MCM9: variants seen among roughly 807,000 people sequenced by gnomAD.
MCM9 encodes the protein DNA helicase MCM9.
In MCM9, 55 loss-of-function variants were observed where a neutral mutation model predicts 72.8. The observed-to-expected ratio is 0.76, with a 90% confidence interval of 0.61 to 0.95. MCM9 has a LOEUF of 0.95. Among genes scored for constraint, MCM9 ranks in the 40% least tolerant of loss-of-function variants. The pLI is 0.00. For synonymous variants in MCM9, 480 were observed against 503.4 expected (o/e 0.95, Z 0.62); for missense variants, 1,279 against 1,377.0 (o/e 0.93, Z 1.13).
intron 6 of MCM9, among the ~76,000 whole-genome samples, chr6:118,913,726 A>C (rs569822929): frequency 3.3e-5 from 5 of 152,180 alleles, no homozygotes; most frequent in Admixed American, 1.3e-4. Context: ...CAGCCTCCTG[A>C]GTAGTTGGGA....
rs1773323279 is a variant in MCM9 at position 118,815,061 on chromosome 6, G to C, written c.3195C>G (p.Pro1065=). 4.5e-6 allele frequency: 7 copies of C among 1,550,464 alleles called. No homozygotes were observed. The highest frequency in any genetic ancestry group is 2.4e-5 in the East Asian group (1 of 40,896). The change falls in exon 14 of 14, where the codon CCC becomes CCG. Residue 1065 remains proline (P), a synonymous_variant. Coordinates refer to ENST00000619706, the MANE Select transcript of MCM9 (RefSeq NM_017696.3). ...LARLANFCFT[P]PSESKSKSPP... The stretch of plus-strand genomic sequence containing the variant: ...GGGATTTTGATTTGGATTCCGATGG[G>C]GGAGTAAAGCAGAAGTTTGCCAATC...
At chr6:118,924,866 G>C (rs896157442) in intron 3 of MCM9, among the ~76,000 whole-genome samples, 6 of 152,048 alleles carry the variant, frequency 3.9e-5, no homozygotes, top group Non-Finnish European at 5.9e-5. Context: ...CAACATAGTG[G>C]GACCCCATCC....
At chr6:118,885,724 A>C (rs1210054121) in intron 8 of MCM9, among the ~76,000 whole-genome samples, 2 of 152,232 alleles carry the variant, frequency 1.3e-5, no homozygotes, top group East Asian at 3.8e-4. Context: ...TTCATTAGTG[A>C]ATTCCACCGA....
At chr6:118,829,697 T>C (rs1774398776) in intron 9 of MCM9, among the ~76,000 whole-genome samples, 1 of 152,124 alleles carries the variant, frequency 6.6e-6, no homozygotes, top group African/African-American at 2.4e-5. Context: ...GAAGCAGCTT[T>C]TGAACTGAAC....
chr6:118,920,895 T>TA (rs1781373782), intron 5 of MCM9: 1 of 152,208 alleles, frequency 6.6e-6, no homozygotes, highest in Non-Finnish European at 1.5e-5. Flanking sequence ...CCAAAATGAC[T>TA]AAAACATCAC....
rs765808019 is a variant in MCM9, at chr6:118,924,062, A to G, written c.370T>C (p.Leu124=). 2.5e-6 allele frequency: 4 copies of G among 1,614,216 alleles called. No homozygotes were observed. Among genetic ancestry groups the G allele is most frequent in the Non-Finnish European group, 3.4e-6 (4 of 1,180,038 alleles). The change falls in exon 4 of 14, where the codon TTA becomes CTA. Residue 124 remains leucine (L), a synonymous_variant. Coordinates refer to ENST00000619706, the MANE Select transcript of MCM9 (RefSeq NM_017696.3). ...IPKTKDVGHF[L]SVTGTVIRTS... ...CGAATCACTGTCCCAGTGACAGATA[A>G]AAAGTGTCCCACATCCTTGGTTTTA...
At chr6:118,886,389 C>T (rs778867650) in intron 8 of MCM9, among the ~76,000 whole-genome samples, 1 of 151,836 alleles carries the variant, frequency 6.6e-6, no homozygotes, top group Non-Finnish European at 1.5e-5. Flanking sequence ...AAACAATAGG[C>T]ATCCAGAAGG....
At position 118,932,611 on chromosome 6, in the gene MCM9, A is replaced by C; in HGVS notation, c.-20T>G. 1.0e-6 allele frequency: 1 copy of C among 984,776 alleles called. No homozygotes were observed. The allele number at this position is 984,776 out of a possible 1,614,324, so 61.0% of individuals were successfully genotyped here. ...CTATGTAACTGAAACACATACCATT[A>C]ATCAGACTGACAGCCAGTTCTGACA... On this transcript the variant is annotated 5_prime_UTR_variant, in exon 2 of 14. The change creates a new upstream start codon in the 5' untranslated region. Coordinates refer to ENST00000619706, the MANE Select transcript of MCM9 (RefSeq NM_017696.3).
chr6:118,911,300 T>C (rs1780527080), intron 8 of MCM9: 2 of 1,015,376 alleles, frequency 2.0e-6, no homozygotes, highest in Non-Finnish European at 2.4e-6. Flanking sequence ...ACCATCTATC[T>C]ACTTGGTAAA....
chr6:118,901,550 C>CT (rs1344197208), intron 8 of MCM9, among the ~76,000 whole-genome samples: 1 of 152,168 alleles, frequency 6.6e-6, no homozygotes, highest in Non-Finnish European at 1.5e-5. Flanking sequence ...TTAGATACCA[C>CT]TGAGAGTATT....
At chr6:118,819,294 A>G (rs1773629932) in intron 13 of MCM9, among the ~76,000 whole-genome samples, 1 of 152,182 alleles carries the variant, frequency 6.6e-6, no homozygotes, top group Non-Finnish European at 1.5e-5. Context: ...GATACTTTCC[A>G]TCAACACCTA....
rs147707263 is a variant in MCM9 at position 118,852,062 on chromosome 6, A to C, written c.1325+4309T>G. Among the ~76,000 whole-genome samples the C allele has an allele frequency of 1.8e-3, 278 of 152,342 alleles. 1 individual carries two copies. Among genetic ancestry groups the C allele is most frequent in the South Asian group, 0.01 (50 of 4,828 alleles). On this transcript the variant is annotated intron_variant, in intron 9 of 13. Transcript: ENST00000619706. ...GGAGAGTACAGCCTACTATACACCTAGGCTATATGGTATAGCCTATTGCTC... is the reference window on the plus strand; with the variant it reads ...GGAGAGTACAGCCTACTATACACCTCGGCTATATGGTATAGCCTATTGCTC...
intron 7 of MCM9, chr6:118,912,715 C>T (rs561194445): frequency 2.0e-5 from 3 of 152,840 alleles, no homozygotes; most frequent in East Asian, 1.9e-4. Context: ...CGTAATAACC[C>T]GTATGCCAGA....
chr6:118,850,149 C>G (rs1453174917), intron 9 of MCM9, among the ~76,000 whole-genome samples: 1 of 151,866 alleles, frequency 6.6e-6, no homozygotes, highest in Non-Finnish European at 1.5e-5. Context: ...AATAATATAA[C>G]TACACAAAGA....
At chr6:118,833,349 A>C (rs1473858192) in intron 9 of MCM9, among the ~76,000 whole-genome samples, 1 of 152,226 alleles carries the variant, frequency 6.6e-6, no homozygotes, top group Non-Finnish European at 1.5e-5. Context: ...GACAGTAAGA[A>C]GCAAAATTGA....
chr6:118,904,964 A>C (rs1780073832), intron 8 of MCM9, among the ~76,000 whole-genome samples: 1 of 152,180 alleles, frequency 6.6e-6, no homozygotes, highest in Non-Finnish European at 1.5e-5. Context: ...CAGCCTCCCA[A>C]GTAGCTGGGA....
intron 8 of MCM9, among the ~76,000 whole-genome samples, chr6:118,870,612 C>T (rs149562337): frequency 1.3e-5 from 2 of 151,792 alleles, no homozygotes; most frequent in East Asian, 3.9e-4. Flanking sequence ...TCAATGTTAG[C>T]AGAAGGAAGA....
intron 9 of MCM9, among the ~76,000 whole-genome samples, chr6:118,852,122 T>C (rs1262731724): frequency 6.6e-6 from 1 of 152,218 alleles, no homozygotes; most frequent in Non-Finnish European, 1.5e-5. Flanking sequence ...GTTACTGTAC[T>C]GAATACCATA....
At chr6:118,820,323 C>T (rs1486050975) in intron 13 of MCM9, among the ~76,000 whole-genome samples, 1 of 152,106 alleles carries the variant, frequency 6.6e-6, no homozygotes, top group African/African-American at 2.4e-5. Context: ...TATGTTTTGT[C>T]TTTGTTTTCA....
Sources: allele counts gnomAD v4.1 joint callset (sites outside exome capture counted in the v4.1 genomes callset), GRCh38; gene constraint gnomAD v4.1.1; transcripts MANE v1.5; gene names NCBI Gene and HGNC (gene_info 2026-07-23, HGNC 2026-07-21).